The following IRF6 variants were observed in gnomAD, a reference collection of about 807,000 sequenced individuals.
IRF6 encodes interferon regulatory factor 6.
Under a neutral mutation model 51.4 loss-of-function variants are expected in IRF6, and 6 were observed. The observed-to-expected ratio is 0.12, with a 90% CI of 0.06 to 0.23. The LOEUF (loss-of-function observed/expected upper bound fraction) is 0.23. Among genes scored for constraint, IRF6 ranks in the 10% least tolerant of loss-of-function variants. The probability of loss-of-function intolerance (pLI) is 1.00; values close to 1 mark genes in which losing one functional copy is unlikely to be tolerated. For missense variants in IRF6, 348 were observed against 585.2 expected (o/e 0.59, Z 4.18); for synonymous variants, 178 against 215.7 (o/e 0.83, Z 1.53).
At chr1:209,801,206 C>T (rs753961173) in intron 3 of IRF6, 34 bp downstream of exon 3, 3 of 1,240,298 alleles carry the variant, frequency 2.4e-6, no homozygotes, top group Non-Finnish European at 2.3e-6. Flanking sequence ...AAAAAAAAAT[C>T]CAGAAAGGTC....
In IRF6 at chr1:209,788,210, C is replaced by A; in HGVS notation, c.*210G>T. 1.7e-6 allele frequency: 1 copy of A among 585,812 alleles called. No homozygotes were observed. Among genetic ancestry groups the A allele is most frequent in the Non-Finnish European group, 3.0e-6 (1 of 330,556 alleles). 36.3% of individuals were successfully genotyped at this position (585,812 alleles called of 1,614,324 possible). On this transcript the variant is annotated 3_prime_UTR_variant, in exon 9 of 9. Coordinates refer to ENST00000367021, the MANE Select transcript of IRF6 (RefSeq NM_006147.4). ...CCTTCTACTATGCTATATCATACTA[C>A]CATTAGGAGATTTGAAAAAGAAAAG...
chr1:209,796,357 T>C lies in IRF6; in HGVS notation c.370A>G (p.Ile124Val). The C allele has an allele frequency of 6.2e-7, 1 of 1,614,010 alleles. No individual in the cohort carries two copies. The highest frequency in any genetic ancestry group is 8.5e-7 in the Non-Finnish European group (1 of 1,180,010). Residue 124 changes from isoleucine (I) to valine (V), a missense_variant, in exon 4 of 9, where the codon ATT (isoleucine) becomes GTT (valine). Transcript: ENST00000367021. This position sits in a 1 kb window ranked among gnomAD's most constrained non-coding sequence, Gnocchi z 4.5. The stretch of plus-strand genomic sequence containing the variant: ...GCACCTGGGGCCTCACCTGGGTTAA[T>C]GATCGAGCCCTGGGGCTGAGGGATG... ...CDIPQPQGSIINPGSTGSAPW... is the reference protein window; with the variant it reads ...CDIPQPQGSIVNPGSTGSAPW...
In IRF6 at chr1:209,801,165, C is replaced by T; in HGVS notation, c.174+75G>A. On this transcript the variant is annotated intron_variant, in intron 3 of 8. Transcript: ENST00000367021. ...TCTCTGTTTCACCAGAGTTTTAGAT[C>T]TAGTGTATTCCCCATGCCAAAAAAA... 7 of 1,245,234 alleles carry T rather than the reference C, an allele frequency of 5.6e-6. No individual in the cohort carries two copies. The South Asian group carries it at 8.7e-5, about 15-fold the overall frequency. 77.1% of individuals were successfully genotyped at this position (1,245,234 alleles called of 1,614,324 possible). A position where few individuals can be genotyped will look rare whatever the true frequency, so the allele number is the denominator to read the frequency against.
At chr1:209,798,965 T>C (rs2077922851) in intron 3 of IRF6, among the ~76,000 whole-genome samples, 1 of 150,766 alleles carries the variant, frequency 6.6e-6, no homozygotes, top group Non-Finnish European at 1.5e-5. Flanking sequence ...AGGAACCATG[T>C]GGCAATCATT....
intron 4 of IRF6, 87 bp from the exon 5 acceptor site, chr1:209,795,505 CTAGCCCAGAGGCTCCTCAGGT>C: frequency 6.3e-7 from 1 of 1,595,740 alleles, no homozygotes; most frequent in Non-Finnish European, 8.5e-7. Context: ...CTAGGGACTG[CTAGCCCAGAGGCTCCTCAGGT>C]TCAGTACACA....
rs2077900475 is a variant in IRF6, at chr1:209,796,250, C to G, written c.379+98G>C. 5 of 1,006,452 alleles carry G rather than the reference C, an allele frequency of 5.0e-6. No individual in the cohort carries two copies. Among genetic ancestry groups the G allele is most frequent in the Middle Eastern group, 3.0e-4 (1 of 3,298 alleles). 62.3% of individuals were successfully genotyped at this position (1,006,452 alleles called of 1,614,324 possible). A position where few individuals can be genotyped will look rare whatever the true frequency, so the allele number is the denominator to read the frequency against. Reference sequence around the variant, plus strand: ...GCTTTCTTGCTTTATCCATCTTAAACTGTGTAAATCAGGCTGTTTTCAAGT... The same window carrying G: ...GCTTTCTTGCTTTATCCATCTTAAAGTGTGTAAATCAGGCTGTTTTCAAGT... On this transcript the variant is annotated intron_variant, in intron 4 of 8. Transcript: ENST00000367021. This position sits in a 1 kb window ranked among gnomAD's most constrained non-coding sequence, Gnocchi z 4.5.
At position 209,790,766 on chromosome 1, in the gene IRF6, C is replaced by T. The variant is rs115687346; in HGVS notation, c.789G>A (p.Glu263=). ...YGDLGPMPDQ[E]ELFGPVSLEQ... is the part of the protein sequence containing the mutation. ...CCAGGCTGACGGGACCAAAGAGCTC[C>T]TCCTGGTCAGGCATGGGACCCAGGT... is the stretch of plus-strand genomic sequence containing the variant. The change falls in exon 7 of 9, where the codon GAG becomes GAA. Residue 263 remains glutamate (E), a synonymous_variant. Coordinates refer to ENST00000367021, the MANE Select transcript of IRF6 (RefSeq NM_006147.4). The surrounding 1 kb of genome is among the most constrained non-coding windows in gnomAD (Gnocchi z 4.8). The T allele has an allele frequency of 3.0e-5, 48 of 1,614,210 alleles. No individual in the cohort carries two copies. The East Asian group carries it at 1.0e-3, about 34-fold the overall frequency.
At chr1:209,792,221 C>G (rs776323350) in intron 6 of IRF6, 48 bp downstream of exon 6, 2 of 1,574,410 alleles carry the variant, frequency 1.3e-6, no homozygotes. Context: ...AGGAAAGAGT[C>G]TATAATAGAA....
rs1277617641 is a variant in IRF6, at chr1:209,785,735, CTG to C, written c.*2683_*2684del. 1 of 152,200 alleles carries C rather than the reference CTG, an allele frequency of 6.6e-6. No homozygotes were observed. Among genetic ancestry groups the C allele is most frequent in the East Asian group, 1.9e-4 (1 of 5,202 alleles). The allele number at this position is 152,200 out of a possible 1,614,324, so 9.4% of individuals were successfully genotyped here. The stretch of plus-strand genomic sequence containing the variant: ...CCAGCAACAAATATTTGAGAACACA[CTG>C]TGTCCCAGACACTGTTCTAAGGACT... On this transcript the variant is annotated 3_prime_UTR_variant, in exon 9 of 9. Coordinates refer to ENST00000367021, the MANE Select transcript of IRF6 (RefSeq NM_006147.4).
rs547987445 is a variant in IRF6 at position 209,792,587 on chromosome 1, A to G, written c.509-160T>C. The G allele has an allele frequency of 9.9e-6, 7 of 706,590 alleles. No individual in the cohort carries two copies. In the African/African-American group the frequency reaches 1.2e-4, roughly 12 times the overall value. 43.8% of individuals were successfully genotyped at this position (706,590 alleles called of 1,614,324 possible). ...CAGTGATTCCCATAACTAACGCAAT[A>G]AGAAATAAGGTTCCCCTGCTCCTGC... On this transcript the variant is annotated intron_variant, in intron 5 of 8. Transcript: ENST00000367021.
intron 3 of IRF6, 96 bp downstream of exon 3, chr1:209,801,144 T>C: frequency 3.6e-6 from 4 of 1,114,028 alleles, no homozygotes; most frequent in Non-Finnish European, 5.3e-6. Flanking sequence ...GCATTCTCTC[T>C]GTTTCACCAG....
chr1:209,803,696 C>T (rs1280674145), intron 1 of IRF6, among the ~76,000 whole-genome samples: 2 of 152,166 alleles, frequency 1.3e-5, no homozygotes, highest in African/African-American at 2.4e-5. Flanking sequence ...CCACTCACCA[C>T]CCAGTAACTA....
chr1:209,797,017 G>A (rs2077906614), intron 3 of IRF6, among the ~76,000 whole-genome samples: 1 of 152,178 alleles, frequency 6.6e-6, no homozygotes. Context: ...AGGGATGGCA[G>A]AGGATATGAA....
rs2077840298 is a variant in IRF6, at chr1:209,787,264, T to C, written c.*1156A>G. Reference sequence around the variant, plus strand: ...GGGTTAGAGACTCAGCAGATGTTTCTAGATAAGACCAGTTTGTGACAGATA... The same window carrying C: ...GGGTTAGAGACTCAGCAGATGTTTCCAGATAAGACCAGTTTGTGACAGATA... On this transcript the variant is annotated 3_prime_UTR_variant, in exon 9 of 9. Transcript: ENST00000367021. The C allele has an allele frequency of 6.6e-6, 1 of 152,248 alleles. No homozygotes were observed. The highest frequency in any genetic ancestry group is 1.5e-5 in the Non-Finnish European group (1 of 68,094). 9.4% of individuals were successfully genotyped at this position (152,248 alleles called of 1,614,324 possible). A position where few individuals can be genotyped will look rare whatever the true frequency, so the allele number is the denominator to read the frequency against.
chr1:209,793,692 G>C (rs915540954), intron 5 of IRF6, among the ~76,000 whole-genome samples: 1 of 152,154 alleles, frequency 6.6e-6, no homozygotes, highest in Non-Finnish European at 1.5e-5. Context: ...GTACCCAATA[G>C]GTAGTTTTTT....
At chr1:209,797,473 T>C (rs2077910357) in intron 3 of IRF6, among the ~76,000 whole-genome samples, 4 of 146,846 alleles carry the variant, frequency 2.7e-5, no homozygotes. Flanking sequence ...GCTGAGGGCC[T>C]CAAGTCCTAA....
chr1:209,796,442 C>G lies in IRF6; in HGVS notation c.285G>C (p.Leu95=). 1 of 1,614,184 alleles carries G rather than the reference C, an allele frequency of 6.2e-7. No homozygotes were observed. Among genetic ancestry groups the G allele is most frequent in the Non-Finnish European group, 8.5e-7 (1 of 1,180,040 alleles). The change falls in exon 4 of 9, where the codon CTG becomes CTC. Residue 95 remains leucine (L), a synonymous_variant. Transcript: ENST00000367021. The surrounding 1 kb of genome is among the most constrained non-coding windows in gnomAD (Gnocchi z 4.5). The part of the protein sequence containing the change: ...CALNKSREFN[L]MYDGTKEVPM... Reference sequence around the variant, plus strand: ...GCACCTCCTTGGTGCCATCATACATCAGGTTGAATTCTCTGCTCTTATTGA... The same window carrying G: ...GCACCTCCTTGGTGCCATCATACATGAGGTTGAATTCTCTGCTCTTATTGA...
In IRF6 at chr1:209,796,998, A is replaced by G. The variant is rs996419254; in HGVS notation, c.175-446T>C. ...ATGAGTTGCTTATACGACAATAGGT[A>G]AGACAAAGAGGGATGGCAGAGGATA... On this transcript the variant is annotated intron_variant, in intron 3 of 8. Coordinates refer to ENST00000367021, the MANE Select transcript of IRF6 (RefSeq NM_006147.4). This position sits in a 1 kb window ranked among gnomAD's most constrained non-coding sequence, Gnocchi z 4.5. Among the ~76,000 whole-genome samples the G allele has an allele frequency of 1.3e-5, 2 of 152,194 alleles. No homozygotes were observed. The highest frequency in any genetic ancestry group is 2.9e-5 in the Non-Finnish European group (2 of 68,026).
intron 5 of IRF6, among the ~76,000 whole-genome samples, chr1:209,794,761 T>C (rs2077890696): frequency 6.6e-6 from 1 of 152,188 alleles, no homozygotes; most frequent in Non-Finnish European, 1.5e-5. Context: ...TCAATTTTCC[T>C]AGGAAGCTGG....
Sources: gnomAD v4.1 joint callset for allele counts (sites outside exome capture counted in the v4.1 genomes callset) on GRCh38, gnomAD v4.1.1 for gene constraint, Gnocchi (gnomAD v3.1) non-coding constraint, MANE v1.5 for transcripts, NCBI Gene and HGNC (gene_info 2026-07-23, HGNC 2026-07-21) for gene names.